LRP1B: variants seen among roughly 807,000 people sequenced by gnomAD.
LRP1B encodes the protein LDL receptor related protein 1B.
LRP1B carries 217 observed loss-of-function variants against 556.6 expected under a neutral mutation model. The ratio of observed to expected loss-of-function variants is 0.39; its 90% CI spans 0.35 to 0.44. The LOEUF is 0.44. Among genes scored for constraint, LRP1B ranks in the 20% least tolerant of loss-of-function variants. LRP1B has a pLI of 1.00. For missense variants in LRP1B, 5,053 were observed against 5,620.8 expected, an observed-to-expected ratio of 0.90 and a Z score of 3.23; for synonymous variants, 2,047 against 1,865.8, an observed-to-expected ratio of 1.10 and a Z score of -2.50.
At chr2:142,036,879 A>G (rs996535349) in intron 1 of LRP1B, among the ~76,000 whole-genome samples, 25 of 151,652 alleles carry the variant, frequency 1.6e-4, no homozygotes, top group Admixed American at 1.1e-3. Flanking sequence ...TTCCTAACCC[A>G]TTGTAATACC....
At chr2:141,998,519 T>C (rs1437462909) in intron 1 of LRP1B, among the ~76,000 whole-genome samples, 1 of 152,188 alleles carries the variant, frequency 6.6e-6, no homozygotes, top group African/African-American at 2.4e-5. Flanking sequence ...AAAGAATATA[T>C]ATTTTTAAAC....
At position 140,894,957 on chromosome 2, in the gene LRP1B, A is replaced by G. The variant is rs1048859249; in HGVS notation, c.3766+7963T>C. Among the ~76,000 whole-genome samples, 175 of 151,518 alleles carry G rather than the reference A, an allele frequency of 1.2e-3. 1 individual carries two copies. Among genetic ancestry groups the G allele is most frequent in the African/African-American group, 4.0e-3 (167 of 41,412 alleles). On this transcript the variant is annotated intron_variant, in intron 23 of 90. Coordinates refer to ENST00000389484, the MANE Select transcript of LRP1B (RefSeq NM_018557.3). ...GACTCTGCCTCAAAAAAAAAAAAAA[A>G]ATTGATACAGTTGGAGATGTAAATG...
chr2:140,873,027 A>G (rs1010824337), intron 25 of LRP1B, among the ~76,000 whole-genome samples: 131 of 152,266 alleles, frequency 8.6e-4, no homozygotes, highest in Non-Finnish European at 1.5e-3. Flanking sequence ...CAGGAAAAAA[A>G]GACTAGTCAA....
chr2:140,303,381 GGAACT>G (rs1422067449), intron 83 of LRP1B, among the ~76,000 whole-genome samples: 2 of 151,828 alleles, frequency 1.3e-5, no homozygotes, highest in Non-Finnish European at 2.9e-5. Flanking sequence ...CTGAGTAGCT[GGAACT>G]ACAGGCACCT....
chr2:140,356,912 C>T (rs1349335969), intron 74 of LRP1B, among the ~76,000 whole-genome samples: 1 of 151,730 alleles, frequency 6.6e-6, no homozygotes. Context: ...ATCAAGGGTA[C>T]TGCTAAGTTA....
chr2:140,461,771 T>C (rs1185515291), intron 60 of LRP1B, among the ~76,000 whole-genome samples: 1 of 151,920 alleles, frequency 6.6e-6, no homozygotes, highest in Non-Finnish European at 1.5e-5. Flanking sequence ...GAGGCAGAGG[T>C]TGCAGTGAGC....
chr2:140,788,069 A>G (rs781191365), intron 32 of LRP1B, among the ~76,000 whole-genome samples: 15 of 152,202 alleles, frequency 9.9e-5, no homozygotes, highest in Non-Finnish European at 1.6e-4. Context: ...GATGATCATG[A>G]GTAAGTTACT....
chr2:140,348,742 TAC>T (rs1313515710), intron 77 of LRP1B, among the ~76,000 whole-genome samples: 1 of 152,132 alleles, frequency 6.6e-6, no homozygotes, highest in African/African-American at 2.4e-5. Context: ...TGTAAAAATA[TAC>T]ACATATAAAT....
At chr2:141,505,090 C>A (rs1559109765) in intron 2 of LRP1B, among the ~76,000 whole-genome samples, 1 of 150,956 alleles carries the variant, frequency 6.6e-6, no homozygotes, top group African/African-American at 2.4e-5. Context: ...ATAAATCCCT[C>A]CTCTCTCTCT....
At chr2:140,640,488 C>T (rs1471371426) in intron 41 of LRP1B, among the ~76,000 whole-genome samples, 2 of 142,980 alleles carry the variant, frequency 1.4e-5, no homozygotes, top group Non-Finnish European at 3.0e-5. Context: ...CTCCGCCTCC[C>T]GGGTTCACGC....
chr2:141,881,730 A>T (rs1012917491), intron 1 of LRP1B, among the ~76,000 whole-genome samples: 2 of 152,062 alleles, frequency 1.3e-5, no homozygotes, highest in Admixed American at 6.6e-5. Flanking sequence ...GCTTTCTTGT[A>T]GGTCCTACAA....
At chr2:141,707,655 T>C (rs1432364851) in intron 2 of LRP1B, among the ~76,000 whole-genome samples, 1 of 152,146 alleles carries the variant, frequency 6.6e-6, no homozygotes, top group Admixed American at 6.6e-5. Flanking sequence ...ATTTATTCAG[T>C]GTCTGCCACG....
chr2:140,298,960 G>A (rs1465027941), intron 83 of LRP1B, among the ~76,000 whole-genome samples: 1 of 151,804 alleles, frequency 6.6e-6, no homozygotes, highest in African/African-American at 2.4e-5. Flanking sequence ...GTATGAGAGA[G>A]ACTTAGTTAT....
chr2:140,625,862 C>A (rs778914083), intron 41 of LRP1B, among the ~76,000 whole-genome samples: 5 of 152,136 alleles, frequency 3.3e-5, no homozygotes, highest in Non-Finnish European at 5.9e-5. Flanking sequence ...ATCCAGCATT[C>A]ATTCACCCTA....
intron 41 of LRP1B, among the ~76,000 whole-genome samples, chr2:140,646,513 A>G (rs1684490919): frequency 6.6e-6 from 1 of 152,180 alleles, no homozygotes; most frequent in Non-Finnish European, 1.5e-5. Flanking sequence ...ACCCAGATTC[A>G]AAGTGAGCTC....
intron 2 of LRP1B, among the ~76,000 whole-genome samples, chr2:141,595,727 G>A (rs111466258): frequency 0.023 from 3,549 of 152,038 alleles, 138 homozygotes; most frequent in African/African-American, 0.081. Context: ...ACAGGTTCCC[G>A]TTGCCATCAC....
At chr2:140,250,261 T>C (rs1236427147) in intron 86 of LRP1B, among the ~76,000 whole-genome samples, 2 of 151,882 alleles carry the variant, frequency 1.3e-5, no homozygotes, top group Admixed American at 1.3e-4. Flanking sequence ...CTTTATCTTA[T>C]GTGCTGATTA....
intron 7 of LRP1B, among the ~76,000 whole-genome samples, chr2:141,151,412 A>G (rs1701920909): frequency 6.6e-6 from 1 of 152,208 alleles, no homozygotes; most frequent in Non-Finnish European, 1.5e-5. Flanking sequence ...ACATAGGAAT[A>G]CAACATTATA....
intron 2 of LRP1B, among the ~76,000 whole-genome samples, chr2:141,784,127 C>T (rs2105645891): frequency 6.6e-6 from 1 of 152,006 alleles, no homozygotes; most frequent in South Asian, 2.1e-4. Context: ...ATTACAAAAA[C>T]TATCCTTGAC....
Sources: gnomAD v4.1 joint callset for allele counts (sites outside exome capture counted in the v4.1 genomes callset) on GRCh38, gnomAD v4.1.1 for gene constraint, MANE v1.5 for transcripts, NCBI Gene and HGNC (gene_info 2026-07-23, HGNC 2026-07-21) for gene names.